The following FUT8 variants were observed in gnomAD, a reference collection of about 807,000 sequenced individuals.
FUT8 encodes fucosyltransferase 8, also known as alpha-(1,6)-fucosyltransferase.
Under a neutral mutation model 71.3 loss-of-function variants are expected in FUT8, and 29 were observed. The ratio of observed to expected loss-of-function variants is 0.41; its 90% CI spans 0.30 to 0.55. The LOEUF (loss-of-function observed/expected upper bound fraction) is 0.55, where lower values mean the gene tolerates loss of function less well. Among genes scored for constraint, FUT8 ranks in the 20% least tolerant of loss-of-function variants. The pLI is 0.34. For missense variants in FUT8, 544 were observed against 702.1 expected, an observed-to-expected ratio of 0.77 and a Z score of 2.55; for synonymous variants, 254 against 239.3, an observed-to-expected ratio of 1.06 and a Z score of -0.57.
At chr14:65,676,510 G>C (rs534443780) in intron 7 of FUT8, among the ~76,000 whole-genome samples, 1 of 152,188 alleles carries the variant, frequency 6.6e-6, no homozygotes, top group Non-Finnish European at 1.5e-5. Flanking sequence ...AAATTGAGTC[G>C]TGTTTGAAAC....
the FUT8 span, among the ~76,000 whole-genome samples, chr14:65,392,763 G>A: frequency 3.9e-5 from 6 of 152,146 alleles, no homozygotes; most frequent in East Asian, 1.9e-4. Context: ...GGCTGGAAGC[G>A]TCCTGCTTCT....
chr14:65,466,358 C>T (rs376256048), intron 2 of FUT8, among the ~76,000 whole-genome samples: 10 of 151,990 alleles, frequency 6.6e-5, no homozygotes, highest in Admixed American at 1.3e-4. Context: ...TTTCTTTTTT[C>T]GTCTTTCACT....
chr14:65,511,536 C>T (rs1882347275), intron 2 of FUT8, among the ~76,000 whole-genome samples: 1 of 152,082 alleles, frequency 6.6e-6, no homozygotes, highest in Admixed American at 6.5e-5. Context: ...CTCTCTTTAG[C>T]TCTAATAATA....
rs867859490 is a variant in FUT8 at position 65,669,425 on chromosome 14, G to A, written c.780G>A (p.Arg260=). The A allele has an allele frequency of 1.2e-6, 2 of 1,613,762 alleles. No homozygotes were observed. Among genetic ancestry groups the A allele is most frequent in the Non-Finnish European group, 1.7e-6 (2 of 1,179,790 alleles). The change falls in exon 7 of 11, where the codon AGG becomes AGA. Residue 260 remains arginine (R), a synonymous_variant. Transcript: ENST00000673929. This position sits in a 1 kb window ranked among gnomAD's most constrained non-coding sequence, Gnocchi z 4.5. The part of the protein sequence containing the change: ...YATGGWETVF[R]PVSETCTDRS... ...CTGGTGGATGGGAGACTGTATTTAG[G>A]CCTGTAAGTGAGACATGCACAGACA...
intron 7 of FUT8, among the ~76,000 whole-genome samples, chr14:65,717,864 C>T (rs1291573127): frequency 2.6e-5 from 4 of 152,130 alleles, no homozygotes; most frequent in African/African-American, 7.2e-5. Context: ...TCTATTTTGT[C>T]TATTACAGGT....
At chr14:65,359,790 C>T in the FUT8 span, among the ~76,000 whole-genome samples, 6 of 152,068 alleles carry the variant, frequency 3.9e-5, no homozygotes, top group Admixed American at 2.6e-4. Flanking sequence ...CAGCTATGAA[C>T]GTGGGTTTAC....
chr14:65,720,621 GGCTCACTAGGT>G (rs1221647045), intron 7 of FUT8, among the ~76,000 whole-genome samples: 15 of 152,188 alleles, frequency 9.9e-5, no homozygotes, highest in Non-Finnish European at 2.2e-4. Context: ...CTCAGCTGGT[GGCTCACTAGGT>G]TACGTGCCCC....
intron 2 of FUT8, among the ~76,000 whole-genome samples, chr14:65,558,120 C>T (rs549036653): frequency 2.8e-4 from 43 of 151,930 alleles, no homozygotes; most frequent in African/African-American, 9.7e-4. Context: ...CACTTGAGGT[C>T]AGGAGTTCAA....
intron 6 of FUT8, among the ~76,000 whole-genome samples, chr14:65,641,009 C>G (rs1336788643): frequency 1.3e-5 from 2 of 151,990 alleles, no homozygotes; most frequent in African/African-American, 2.4e-5. Flanking sequence ...TCTTCTACAG[C>G]CTTATTGAGA....
chr14:65,364,071 G>C, the FUT8 span, among the ~76,000 whole-genome samples: 2 of 152,296 alleles, frequency 1.3e-5, no homozygotes, highest in Admixed American at 6.5e-5. Context: ...TTGTAAATAA[G>C]TTGACTCTGA....
chr14:65,416,380 T>A (rs1359774765), intron 1 of FUT8, among the ~76,000 whole-genome samples: 1 of 152,010 alleles, frequency 6.6e-6, no homozygotes, highest in Non-Finnish European at 1.5e-5. Flanking sequence ...CTTGAACTCC[T>A]GGGCTCAAGC....
chr14:65,613,890 T>C (rs1566853080), intron 3 of FUT8, among the ~76,000 whole-genome samples: 1 of 152,102 alleles, frequency 6.6e-6, no homozygotes, highest in African/African-American at 2.4e-5. Context: ...GGTGGGCGGA[T>C]CACTTGAGGC....
intron 10 of FUT8, among the ~76,000 whole-genome samples, chr14:65,739,801 C>T (rs1260344518): frequency 6.6e-6 from 1 of 152,010 alleles, no homozygotes; most frequent in African/African-American, 2.4e-5. Flanking sequence ...TGCCTGGGTT[C>T]CAACCTGAAT....
chr14:65,385,631 T>C, the FUT8 span, among the ~76,000 whole-genome samples: 1 of 152,198 alleles, frequency 6.6e-6, no homozygotes, highest in African/African-American at 2.4e-5. Context: ...ACATTTGTCA[T>C]ATTGAAAATG....
intron 6 of FUT8, among the ~76,000 whole-genome samples, chr14:65,644,860 G>C (rs1473831768): frequency 1.3e-5 from 2 of 152,084 alleles, no homozygotes; most frequent in Non-Finnish European, 2.9e-5. Context: ...TGTGAACAAA[G>C]CTTATCTGAC....
At chr14:65,456,423 T>C (rs1000299425) in intron 2 of FUT8, among the ~76,000 whole-genome samples, 8 of 152,226 alleles carry the variant, frequency 5.3e-5, no homozygotes, top group African/African-American at 1.9e-4. Flanking sequence ...TGTGTATCAG[T>C]AGTTTGTCCT....
chr14:65,650,313 A>C (rs1380335842), intron 6 of FUT8, among the ~76,000 whole-genome samples: 1 of 149,330 alleles, frequency 6.7e-6, no homozygotes, highest in African/African-American at 2.4e-5. Flanking sequence ...AAAAAAAAAA[A>C]AAAAAAAAAA....
chr14:65,368,964 A>G, the FUT8 span, among the ~76,000 whole-genome samples: 2 of 152,216 alleles, frequency 1.3e-5, no homozygotes, highest in Non-Finnish European at 2.9e-5. Context: ...CCGGCTGCAA[A>G]ATTACTTTTA....
intron 7 of FUT8, among the ~76,000 whole-genome samples, chr14:65,677,210 CTT>C (rs1227886011): frequency 6.9e-6 from 1 of 144,392 alleles, no homozygotes; most frequent in Admixed American, 7.1e-5. Flanking sequence ...AAGTAATAGA[CTT>C]TATTACTCAT....
Sources: allele counts gnomAD v4.1 joint callset (sites outside exome capture counted in the v4.1 genomes callset), GRCh38; gene constraint gnomAD v4.1.1; non-coding constraint Gnocchi (gnomAD v3.1); transcripts MANE v1.5; gene names NCBI Gene and HGNC (gene_info 2026-07-23, HGNC 2026-07-21).